DCC: variants seen among roughly 807,000 people sequenced by gnomAD.
DCC encodes netrin receptor DCC.
Under a neutral mutation model 172.5 loss-of-function variants are expected in DCC, and 58 were observed. That is an observed-to-expected ratio of 0.34 (90% CI 0.27 to 0.42). DCC has a LOEUF of 0.42. Ranked by LOEUF, DCC falls within the 10% of genes least tolerant of loss-of-function variation. The probability of loss-of-function intolerance (pLI) is 1.00; values close to 1 mark genes in which losing one functional copy is unlikely to be tolerated. For missense variants in DCC, 1,740 were observed against 1,791.0 expected (o/e 0.97, Z 0.51); for synonymous variants, 709 against 644.5 (o/e 1.10, Z -1.52).
At chr18:52,519,164 T>A (rs2031732385) in intron 1 of DCC, among the ~76,000 whole-genome samples, 1 of 152,188 alleles carries the variant, frequency 6.6e-6, no homozygotes, top group South Asian at 2.1e-4. Context: ...GTGGGAGAGC[T>A]CCAGAATGTA....
chr18:53,131,060 G>C (rs1158528207), intron 7 of DCC, among the ~76,000 whole-genome samples: 1 of 152,068 alleles, frequency 6.6e-6, no homozygotes, highest in African/African-American at 2.4e-5. Flanking sequence ...TGCTTAAAAG[G>C]CTGCGTTAGA....
At chr18:52,441,269 G>T (rs1167154481) in intron 1 of DCC, among the ~76,000 whole-genome samples, 1 of 152,072 alleles carries the variant, frequency 6.6e-6, no homozygotes, top group Non-Finnish European at 1.5e-5. Context: ...AGACTAACAG[G>T]AGGCAGGAAC....
intron 5 of DCC, among the ~76,000 whole-genome samples, chr18:53,014,372 G>A (rs2041775626): frequency 1.3e-5 from 2 of 151,418 alleles, no homozygotes; most frequent in Admixed American, 1.3e-4. Flanking sequence ...ATGTTGGTGT[G>A]CTGCACCCAG....
At chr18:53,361,695 T>C (rs1291276169) in intron 15 of DCC, among the ~76,000 whole-genome samples, 2 of 152,182 alleles carry the variant, frequency 1.3e-5, no homozygotes, top group Non-Finnish European at 2.9e-5. Context: ...TCATCCTATC[T>C]ACCTTTTTTG....
At chr18:52,543,654 A>T (rs2032528480) in intron 1 of DCC, among the ~76,000 whole-genome samples, 1 of 152,180 alleles carries the variant, frequency 6.6e-6, no homozygotes. Context: ...ACCATCATAG[A>T]TCATCTTTGT....
At chr18:53,100,511 C>T (rs954282249) in intron 7 of DCC, among the ~76,000 whole-genome samples, 14 of 149,606 alleles carry the variant, frequency 9.4e-5, no homozygotes, top group Non-Finnish European at 1.3e-4. Flanking sequence ...AAAAGGAGAA[C>T]GAGGACAATA....
chr18:53,240,310 T>G (rs2056275117), intron 12 of DCC, among the ~76,000 whole-genome samples: 1 of 152,142 alleles, frequency 6.6e-6, no homozygotes. Flanking sequence ...CTCCTTACAC[T>G]GAATATTTTC....
intron 1 of DCC, among the ~76,000 whole-genome samples, chr18:52,443,897 T>A (rs1988044802): frequency 6.6e-6 from 1 of 152,154 alleles, no homozygotes; most frequent in Non-Finnish European, 1.5e-5. Context: ...AACCAGTTCT[T>A]GAAATAGCTC....
intron 12 of DCC, among the ~76,000 whole-genome samples, chr18:53,239,049 TGGGGGGA>T (rs1256315329): frequency 1.0e-4 from 1 of 9,684 alleles, no homozygotes; most frequent in Non-Finnish European, 2.0e-4. Context: ...TGTTGTGGAG[TGGGGGGA>T]GGGGGGAGGG....
intron 1 of DCC, among the ~76,000 whole-genome samples, chr18:52,626,326 T>A (rs1187734236): frequency 6.6e-6 from 1 of 152,164 alleles, no homozygotes; most frequent in Non-Finnish European, 1.5e-5. Context: ...CACAAGCATA[T>A]CCTCCCAGCC....
Position 53,043,234 on chromosome 18 carries a change from G to A in DCC, c.986-20071G>A, listed in dbSNP as rs73463181. Among the ~76,000 whole-genome samples, 174 of 150,960 alleles carry A rather than the reference G, an allele frequency of 1.2e-3. 1 individual carries two copies. Among genetic ancestry groups the A allele is most frequent in the African/African-American group, 4.0e-3 (164 of 41,116 alleles). On this transcript the variant is annotated intron_variant, in intron 5 of 28. Coordinates refer to ENST00000442544, the MANE Select transcript of DCC (RefSeq NM_005215.4). The stretch of plus-strand genomic sequence containing the variant: ...ACCCAAGAACAGAAAACCAAACAGC[G>A]CATGTTCTCCTAAGTGGGAGTTGAA...
chr18:52,352,523 C>A (rs1984171140), intron 1 of DCC, among the ~76,000 whole-genome samples: 1 of 152,186 alleles, frequency 6.6e-6, no homozygotes. Context: ...GATTTTCCAT[C>A]CAAACCATCC....
At chr18:52,407,487 T>G (rs1009904644) in intron 1 of DCC, among the ~76,000 whole-genome samples, 2 of 152,094 alleles carry the variant, frequency 1.3e-5, no homozygotes, top group Non-Finnish European at 2.9e-5. Context: ...TTCCTTGATA[T>G]TGATTATCTG....
Position 53,532,268 on chromosome 18 carries a change from A to G in DCC, c.*1615A>G, listed in dbSNP as rs1026768994. 2.0e-5 allele frequency: 3 copies of G among 152,230 alleles called. No individual in the cohort carries two copies. Among genetic ancestry groups the G allele is most frequent in the African/African-American group, 7.2e-5 (3 of 41,472 alleles). 9.4% of individuals were successfully genotyped at this position (152,230 alleles called of 1,614,324 possible). ...TGGGTAATTATATATGAATCCCTGAATAAAATATTTTGAGCAAAATGGCAC... is the reference window on the plus strand; with the variant it reads ...TGGGTAATTATATATGAATCCCTGAGTAAAATATTTTGAGCAAAATGGCAC... On this transcript the variant is annotated 3_prime_UTR_variant, in exon 29 of 29. Coordinates refer to ENST00000442544, the MANE Select transcript of DCC (RefSeq NM_005215.4).
At chr18:52,709,663 C>A (rs930105360) in intron 1 of DCC, among the ~76,000 whole-genome samples, 1 of 152,122 alleles carries the variant, frequency 6.6e-6, no homozygotes, top group African/African-American at 2.4e-5. Context: ...CCTATCAGTT[C>A]TAGTCAAATA....
At chr18:53,408,804 A>G (rs1042591355) in intron 19 of DCC, among the ~76,000 whole-genome samples, 2 of 152,202 alleles carry the variant, frequency 1.3e-5, no homozygotes, top group Non-Finnish European at 2.9e-5. Flanking sequence ...GAAAGGTGAA[A>G]GTCAATACAA....
intron 1 of DCC, among the ~76,000 whole-genome samples, chr18:52,671,667 G>A (rs2035555990): frequency 6.6e-6 from 1 of 151,318 alleles, no homozygotes; most frequent in South Asian, 2.1e-4. Flanking sequence ...AGCCTCCCGA[G>A]TAGCTGGGAA....
chr18:52,710,423 A>T (rs2036275639), intron 1 of DCC, among the ~76,000 whole-genome samples: 1 of 152,196 alleles, frequency 6.6e-6, no homozygotes, highest in African/African-American at 2.4e-5. Flanking sequence ...ATGTGATAGA[A>T]AATTTAGGAT....
chr18:52,381,264 A>G (rs1234800277), intron 1 of DCC, among the ~76,000 whole-genome samples: 2 of 152,178 alleles, frequency 1.3e-5, no homozygotes, highest in Admixed American at 6.5e-5. Flanking sequence ...GTTTCAGACC[A>G]TCTGGATTTA....
Sources: gnomAD v4.1 joint callset for allele counts (sites outside exome capture counted in the v4.1 genomes callset) on GRCh38, gnomAD v4.1.1 for gene constraint, MANE v1.5 for transcripts, NCBI Gene and HGNC (gene_info 2026-07-23, HGNC 2026-07-21) for gene names.